The following CCDC178 variants were observed in gnomAD, a reference collection of about 807,000 sequenced individuals.
CCDC178 encodes the protein coiled-coil domain containing 178.
A neutral mutation model predicts 117.4 loss-of-function variants in CCDC178; 126 were observed. That is an observed-to-expected ratio of 1.07 (90% CI 0.93 to 1.24). CCDC178 has a LOEUF of 1.24. CCDC178 is among the 50% of genes most tolerant of loss of function. CCDC178 has a pLI of 0.00. For missense variants in CCDC178, 1,030 were observed against 986.9 expected (o/e 1.04, Z -0.59); for synonymous variants, 283 against 313.4 (o/e 0.90, Z 1.02).
chr18:33,203,177 A>C (rs972499275), intron 20 of CCDC178, among the ~76,000 whole-genome samples: 11 of 152,182 alleles, frequency 7.2e-5, no homozygotes, highest in African/African-American at 2.4e-4. Flanking sequence ...AATTTAATAT[A>C]CATATTTGCT....
At chr18:33,052,831 A>G (rs1304864838) in intron 21 of CCDC178, among the ~76,000 whole-genome samples, 2 of 152,284 alleles carry the variant, frequency 1.3e-5, no homozygotes, top group East Asian at 3.9e-4. Flanking sequence ...TATTATTAAC[A>G]TGTATTTTGG....
intron 12 of CCDC178, among the ~76,000 whole-genome samples, chr18:33,282,898 C>G (rs2060043473): frequency 6.6e-6 from 1 of 152,138 alleles, no homozygotes; most frequent in Middle Eastern, 3.2e-3. Context: ...AGTGATCACT[C>G]CTGCTTGCAG....
At chr18:32,979,711 GA>G (rs1248916232) in intron 21 of CCDC178, among the ~76,000 whole-genome samples, 1 of 152,154 alleles carries the variant, frequency 6.6e-6, no homozygotes, top group Non-Finnish European at 1.5e-5. Context: ...CAGGTTTCAT[GA>G]AAGTTGATCT....
intron 11 of CCDC178, among the ~76,000 whole-genome samples, chr18:33,318,899 G>T (rs2062460465): frequency 6.6e-6 from 1 of 151,732 alleles, no homozygotes; most frequent in Admixed American, 6.6e-5. Flanking sequence ...AATATATGAA[G>T]GTCAACTAAG....
intron 21 of CCDC178, among the ~76,000 whole-genome samples, chr18:33,018,252 G>T (rs1046501668): frequency 1.3e-5 from 2 of 152,006 alleles, no homozygotes; most frequent in Non-Finnish European, 2.9e-5. Flanking sequence ...CACTGGAATG[G>T]TTAAAAACCA....
chr18:33,412,870 T>G (rs1189803834), intron 2 of CCDC178, among the ~76,000 whole-genome samples: 4 of 152,156 alleles, frequency 2.6e-5, no homozygotes, highest in African/African-American at 9.6e-5. Flanking sequence ...AAATGTCTCT[T>G]AATTATCTTT....
intron 20 of CCDC178, among the ~76,000 whole-genome samples, chr18:33,119,657 C>T (rs2144205260): frequency 6.6e-6 from 1 of 152,264 alleles, no homozygotes; most frequent in Non-Finnish European, 1.5e-5. Flanking sequence ...ACTAGAAATA[C>T]CATTTGACCC....
intron 20 of CCDC178, among the ~76,000 whole-genome samples, chr18:33,182,414 TAA>T (rs1030959139): frequency 9.9e-5 from 15 of 152,008 alleles, no homozygotes; most frequent in Non-Finnish European, 1.6e-4. Context: ...AATCAAATTA[TAA>T]GTCTGTCTTT....
At chr18:33,394,943 G>GTATGTATGTATA (rs1555697671) in intron 4 of CCDC178, among the ~76,000 whole-genome samples, 2 of 61,498 alleles carry the variant, frequency 3.3e-5, no homozygotes, top group Non-Finnish European at 6.1e-5. Context: ...ATATGTATGT[G>GTATGTATGTATA]TATATATATA....
intron 14 of CCDC178, among the ~76,000 whole-genome samples, chr18:33,262,056 G>A (rs1357892427): frequency 6.6e-6 from 1 of 152,028 alleles, no homozygotes; most frequent in Non-Finnish European, 1.5e-5. Flanking sequence ...GGTCTATAAA[G>A]GCCATTAACT....
chr18:33,171,778 A>T (rs765197767), intron 20 of CCDC178, among the ~76,000 whole-genome samples: 1 of 152,182 alleles, frequency 6.6e-6, no homozygotes, highest in Non-Finnish European at 1.5e-5. Context: ...ATATTTCTTT[A>T]GTTTCCTGTG....
chr18:33,060,641 G>A (rs1037508921), intron 21 of CCDC178, among the ~76,000 whole-genome samples: 5 of 152,004 alleles, frequency 3.3e-5, no homozygotes, highest in African/African-American at 1.2e-4. Flanking sequence ...GGTGAATACA[G>A]TGAATCTGAT....
intron 15 of CCDC178, among the ~76,000 whole-genome samples, chr18:33,240,482 G>GA (rs1022497385): frequency 6.6e-6 from 1 of 150,940 alleles, no homozygotes; most frequent in African/African-American, 2.4e-5. Flanking sequence ...GCTAGACTAA[G>GA]AAAAAAAGAG....
intron 20 of CCDC178, among the ~76,000 whole-genome samples, chr18:33,112,675 T>C (rs1395419303): frequency 1.3e-5 from 2 of 151,880 alleles, no homozygotes; most frequent in Admixed American, 1.3e-4. Flanking sequence ...TTAGCTTTCA[T>C]AGCCAGTTAG....
At chr18:33,171,483 A>G (rs1421396173) in intron 20 of CCDC178, among the ~76,000 whole-genome samples, 1 of 152,230 alleles carries the variant, frequency 6.6e-6, no homozygotes, top group Admixed American at 6.5e-5. Flanking sequence ...ATAATACGGG[A>G]TCAGAAATAG....
intron 20 of CCDC178, among the ~76,000 whole-genome samples, chr18:33,120,870 T>C (rs1053592824): frequency 2.0e-5 from 3 of 152,194 alleles, no homozygotes; most frequent in Non-Finnish European, 4.4e-5. Flanking sequence ...ATGAATACTA[T>C]TCAAGGATTT....
intron 20 of CCDC178, among the ~76,000 whole-genome samples, chr18:33,142,279 A>C (rs954259759): frequency 2.0e-5 from 3 of 152,214 alleles, no homozygotes; most frequent in Non-Finnish European, 4.4e-5. Flanking sequence ...ACAAAGGCTT[A>C]TCCAGCCCGA....
intron 2 of CCDC178, among the ~76,000 whole-genome samples, chr18:33,432,062 C>G (rs1245869662): frequency 6.6e-6 from 1 of 152,146 alleles, no homozygotes; most frequent in East Asian, 1.9e-4. Flanking sequence ...GAGCTCCCAG[C>G]TGCACTCAGC....
chr18:33,309,875 G>A lies in CCDC178; in HGVS notation c.1022+13616C>T, dbSNP rs564602232. Among the ~76,000 whole-genome samples the A allele has an allele frequency of 3.2e-4, 48 of 151,644 alleles. 1 individual carries two copies. In the South Asian group the frequency reaches 9.8e-3, roughly 31 times the overall value. On this transcript the variant is annotated intron_variant, in intron 11 of 22. Coordinates refer to ENST00000383096, the MANE Select transcript of CCDC178 (RefSeq NM_001105528.4). ...TATAAAAATAATTTTGTATGCAAAC[G>A]GATCTTATATGGTAAATATTTGTCC...
Sources: gnomAD v4.1 joint callset for allele counts (sites outside exome capture counted in the v4.1 genomes callset) on GRCh38, gnomAD v4.1.1 for gene constraint, MANE v1.5 for transcripts, NCBI Gene and HGNC (gene_info 2026-07-23, HGNC 2026-07-21) for gene names.